Variants in TRPC4AP observed in about 807,000 individuals in gnomAD.
TRPC4AP encodes the protein short transient receptor potential channel 4-associated protein.
Under a neutral mutation model 99.0 loss-of-function variants are expected in TRPC4AP, and 45 were observed. That is an observed-to-expected ratio of 0.45 (90% confidence interval 0.36 to 0.58). The LOEUF (loss-of-function observed/expected upper bound fraction) is 0.58, where lower values mean the gene tolerates loss of function less well. Among genes scored for constraint, TRPC4AP ranks in the 20% least tolerant of loss-of-function variants. The pLI is 0.00. For synonymous variants in TRPC4AP, 408 were observed against 385.8 expected (o/e 1.06, Z -0.67); for missense variants, 879 against 985.3 (o/e 0.89, Z 1.44).
At chr20:35,021,594 A>T (rs1310846183) in intron 8 of TRPC4AP, among the ~76,000 whole-genome samples, 1 of 152,196 alleles carries the variant, frequency 6.6e-6, no homozygotes, top group Non-Finnish European at 1.5e-5. Flanking sequence ...ATAAAGTAAA[A>T]ATATTCGGAC....
At chr20:35,069,555 C>A in intron 2 of TRPC4AP, 143 bp from the exon 3 acceptor site, 1 of 604,872 alleles carries the variant, frequency 1.7e-6, no homozygotes. Context: ...TCCTAGTATT[C>A]AGGCCCCTGT....
At chr20:35,009,538 C>T (rs575699498) in intron 12 of TRPC4AP, among the ~76,000 whole-genome samples, 2 of 152,134 alleles carry the variant, frequency 1.3e-5, no homozygotes, top group Non-Finnish European at 1.5e-5. Context: ...CCCAGCTACT[C>T]GGGCGGCTGA....
intron 1 of TRPC4AP, among the ~76,000 whole-genome samples, chr20:35,080,981 G>C (rs895769375): frequency 1.3e-5 from 2 of 152,038 alleles, no homozygotes; most frequent in African/African-American, 4.8e-5. Flanking sequence ...TGTGGTGATG[G>C]TTGCATAACT....
At chr20:35,065,723 C>T (rs1033085581) in intron 3 of TRPC4AP, among the ~76,000 whole-genome samples, 2 of 152,172 alleles carry the variant, frequency 1.3e-5, no homozygotes, top group African/African-American at 2.4e-5. Flanking sequence ...AAAACCCCCA[C>T]AAAATCAAGA....
chr20:35,010,219 G>C lies in TRPC4AP; in HGVS notation c.1479C>G (p.Ile493Met). 4 of 1,614,216 alleles carry C rather than the reference G, an allele frequency of 2.5e-6. No individual in the cohort carries two copies. Among genetic ancestry groups the C allele is most frequent in the Non-Finnish European group, 2.5e-6 (3 of 1,180,036 alleles). ...ELSAISLKANIPEVEAVLNTD... is the reference protein window; with the variant it reads ...ELSAISLKANMPEVEAVLNTD... ...TGTTGAGGACAGCTTCCACCTCAGG[G>C]ATGTTGGCCTTGAGAGAGATGGCAC... The change falls in exon 12 of 19, where the codon ATC becomes ATG. Residue 493 changes from isoleucine (I) to methionine (M), a missense_variant. Ile to Met is a conservative substitution (Grantham distance 10). Transcript: ENST00000252015.
At position 35,078,239 on chromosome 20, in the gene TRPC4AP, G is replaced by A; in HGVS notation, c.169-65C>T. 1.9e-6 allele frequency: 3 copies of A among 1,547,626 alleles called. No individual in the cohort carries two copies. In the East Asian group the frequency reaches 6.9e-5, roughly 36 times the overall value. On this transcript the variant is annotated intron_variant, in intron 1 of 18. Coordinates refer to ENST00000252015, the MANE Select transcript of TRPC4AP (RefSeq NM_015638.3). ...TGATGATAATAGCTGATACGGCAAA[G>A]GAGAGCAGCCGACTTCCAAACCCAC...
Position 35,057,369 on chromosome 20 carries a change from G to C in TRPC4AP, c.472+145C>G. 8 of 632,594 alleles carry C rather than the reference G, an allele frequency of 1.3e-5. No individual in the cohort carries two copies. The East Asian group carries it at 2.2e-4, about 17-fold the overall frequency. 39.2% of individuals were successfully genotyped at this position (632,594 alleles called of 1,614,324 possible). On this transcript the variant is annotated intron_variant, in intron 4 of 18. Coordinates refer to ENST00000252015, the MANE Select transcript of TRPC4AP (RefSeq NM_015638.3). ...TGAATAAAGACAGCTGCTTAGCTGG[G>C]GGAGGAGAGAGCAACCTGTAGCTAA...
At chr20:35,004,708 CTG>C (rs2082480609) in intron 16 of TRPC4AP, 138 bp from the exon 17 acceptor site, 1 of 688,234 alleles carries the variant, frequency 1.5e-6, no homozygotes, top group Non-Finnish European at 2.5e-6. Context: ...CGAAAGCTGA[CTG>C]TGGCAGAAAG....
At chr20:35,067,240 T>C (rs1473204600) in intron 3 of TRPC4AP, among the ~76,000 whole-genome samples, 1 of 152,244 alleles carries the variant, frequency 6.6e-6, no homozygotes, top group African/African-American at 2.4e-5. Context: ...ATCCCAGCAC[T>C]TTGGGAGGCC....
intron 7 of TRPC4AP, among the ~76,000 whole-genome samples, chr20:35,040,907 G>C (rs1236580607): frequency 6.6e-6 from 1 of 152,192 alleles, no homozygotes; most frequent in African/African-American, 2.4e-5. Flanking sequence ...AGTAATTAAG[G>C]TTAAATGAGG....
chr20:35,083,286 G>C (rs2084698772), intron 1 of TRPC4AP, among the ~76,000 whole-genome samples: 1 of 151,988 alleles, frequency 6.6e-6, no homozygotes, highest in South Asian at 2.1e-4. Context: ...AGTTATGCAA[G>C]ACGGCTACAT....
At chr20:35,086,517 G>GTATATA (rs1569157854) in intron 1 of TRPC4AP, among the ~76,000 whole-genome samples, 6 of 36,718 alleles carry the variant, frequency 1.6e-4, no homozygotes, top group African/African-American at 4.5e-4. Flanking sequence ...ATGTGTGTGT[G>GTATATA]TGTATATATG....
chr20:35,037,191 C>A (rs2083338025), intron 7 of TRPC4AP, among the ~76,000 whole-genome samples: 1 of 151,208 alleles, frequency 6.6e-6, no homozygotes, highest in Non-Finnish European at 1.5e-5. Context: ...CTAAGAAGTA[C>A]AAAAAATTAG....
At chr20:35,034,549 C>G (rs2083274348) in intron 8 of TRPC4AP, among the ~76,000 whole-genome samples, 1 of 151,794 alleles carries the variant, frequency 6.6e-6, no homozygotes, top group South Asian at 2.1e-4. Context: ...CTGATGGCCC[C>G]CCACTCCCAA....
At chr20:35,007,285 T>C (rs2082535506) in intron 14 of TRPC4AP, among the ~76,000 whole-genome samples, 1 of 152,204 alleles carries the variant, frequency 6.6e-6, no homozygotes, top group Non-Finnish European at 1.5e-5. Context: ...ACAAAATATC[T>C]TCAGGGTCAA....
intron 3 of TRPC4AP, among the ~76,000 whole-genome samples, chr20:35,063,705 TAAA>T (rs1359169332): frequency 6.6e-6 from 1 of 151,936 alleles, no homozygotes; most frequent in Non-Finnish European, 1.5e-5. Context: ...TAACAAATAT[TAAA>T]AAATTAGCCA....
Position 35,003,579 on chromosome 20 carries a change from A to G in TRPC4AP, c.2087T>C (p.Leu696Pro). Residue 696 changes from leucine to proline, a missense_variant, in exon 18 of 19, where the codon CTG becomes CCG. This residue lies in a region of TRPC4AP where 224 missense variants were observed against 264.7 expected (regional missense o/e 0.85). Transcript: ENST00000252015. ...VSCLNTSLVI[L>P]MLARRKERLP... ...CCGCTCTTTCCGTCGGGCCAGCATCAGGATCACCAGGCTGGTGTTGAGGCA... is the reference window on the plus strand; with the variant it reads ...CCGCTCTTTCCGTCGGGCCAGCATCGGGATCACCAGGCTGGTGTTGAGGCA... The G allele has an allele frequency of 6.2e-7, 1 of 1,614,038 alleles. No homozygotes were observed. Among genetic ancestry groups the G allele is most frequent in the Non-Finnish European group, 8.5e-7 (1 of 1,179,988 alleles).
At chr20:35,053,211 TCTAG>T (rs2083745809) in intron 5 of TRPC4AP, among the ~76,000 whole-genome samples, 1 of 152,192 alleles carries the variant, frequency 6.6e-6, no homozygotes, top group Non-Finnish European at 1.5e-5. Context: ...CAAATTCTCT[TCTAG>T]CTATTTTGAA....
intron 9 of TRPC4AP, among the ~76,000 whole-genome samples, chr20:35,020,044 G>A (rs1045007786): frequency 1.3e-5 from 2 of 152,076 alleles, no homozygotes; most frequent in African/African-American, 2.4e-5. Flanking sequence ...TTCCTTGGGC[G>A]AAAAACCTTG....
Sources: allele counts gnomAD v4.1 joint callset (sites outside exome capture counted in the v4.1 genomes callset), GRCh38; gene constraint gnomAD v4.1.1; regional missense constraint gnomAD v4.1.1; transcripts MANE v1.5; gene names NCBI Gene and HGNC (gene_info 2026-07-23, HGNC 2026-07-21).